MFAP3L: variants seen among roughly 807,000 people sequenced by gnomAD.
MFAP3L encodes the protein microfibril associated protein 3 like, also known as microfibrillar-associated protein 3-like.
Under a neutral mutation model 20.0 loss-of-function variants are expected in MFAP3L, and 5 were observed. That is an observed-to-expected ratio of 0.25 (90% confidence interval 0.13 to 0.53). The LOEUF (loss-of-function observed/expected upper bound fraction) is 0.53. MFAP3L is among the 20% of genes least tolerant of loss of function. MFAP3L has a pLI of 0.96. For missense variants in MFAP3L, 409 were observed against 527.5 expected, an observed-to-expected ratio of 0.78 and a Z score of 2.20; for synonymous variants, 219 against 213.0, an observed-to-expected ratio of 1.03 and a Z score of -0.25.
chr4:170,012,176 T>C (rs969280162), intron 1 of MFAP3L, among the ~76,000 whole-genome samples: 1 of 152,094 alleles, frequency 6.6e-6, no homozygotes, highest in Non-Finnish European at 1.5e-5. Flanking sequence ...ACTAGTATTA[T>C]ACAATATCCA....
chr4:169,991,142 A>G lies in MFAP3L; in HGVS notation c.*236T>C. The G allele has an allele frequency of 1.8e-6, 1 of 559,140 alleles. No individual in the cohort carries two copies. The highest frequency in any genetic ancestry group is 2.9e-5 in the East Asian group (1 of 34,114). 34.6% of individuals were successfully genotyped at this position (559,140 alleles called of 1,614,324 possible). A position where few individuals can be genotyped will look rare whatever the true frequency, so the allele number is the denominator to read the frequency against. ...ATCAGCCTCTGAAACTCATTATCACATAGACACCTTCTGTCTGGTATCAAT... is the reference window on the plus strand; with the variant it reads ...ATCAGCCTCTGAAACTCATTATCACGTAGACACCTTCTGTCTGGTATCAAT... On this transcript the variant is annotated 3_prime_UTR_variant, in exon 3 of 3. Coordinates refer to ENST00000361618, the MANE Select transcript of MFAP3L (RefSeq NM_021647.8). This position sits in a 1 kb window ranked among gnomAD's most constrained non-coding sequence, Gnocchi z 4.9.
chr4:170,006,113 T>G, intron 1 of MFAP3L, 103 bp from the exon 2 acceptor site: 4 of 794,972 alleles, frequency 5.0e-6, no homozygotes, highest in Non-Finnish European at 6.9e-6. Context: ...AACATCAACA[T>G]ACTTTTTTTT....
chr4:170,003,797 G>T (rs1057122390), intron 2 of MFAP3L: 40 of 985,322 alleles, frequency 4.1e-5, no homozygotes, highest in South Asian at 1.4e-4. Context: ...TACCTGGCCT[G>T]CAGTGTCTTT....
At chr4:170,001,476 C>CTTTG (rs2110974507) in intron 2 of MFAP3L, among the ~76,000 whole-genome samples, 1 of 152,324 alleles carries the variant, frequency 6.6e-6, no homozygotes, top group South Asian at 2.1e-4. Flanking sequence ...GAATTTCAAA[C>CTTTG]TTAATCTCTA....
Position 169,990,178 on chromosome 4 carries a change from GTCT to G in MFAP3L, c.*1197_*1199del, listed in dbSNP as rs1178830826. 1 of 152,222 alleles carries G rather than the reference GTCT, an allele frequency of 6.6e-6. No homozygotes were observed. The highest frequency in any genetic ancestry group is 1.5e-5 in the Non-Finnish European group (1 of 68,050). The allele number at this position is 152,222 out of a possible 1,614,324, so 9.4% of individuals were successfully genotyped here. Reference sequence around the variant, plus strand: ...ATTAAGCCTTTGGATGACTAATTTTGTCTTCTTTCCATAACATCACGCACCTCA... The same window carrying G: ...ATTAAGCCTTTGGATGACTAATTTTGTCTTTCCATAACATCACGCACCTCA... On this transcript the variant is annotated 3_prime_UTR_variant, in exon 3 of 3. Transcript: ENST00000361618.
chr4:170,005,372 G>A (rs1177927929), intron 2 of MFAP3L: 4 of 609,974 alleles, frequency 6.6e-6, no homozygotes, highest in Non-Finnish European at 1.1e-5. Context: ...TTCTGTGTTT[G>A]TCCTTTGTCT....
intron 1 of MFAP3L, among the ~76,000 whole-genome samples, chr4:170,020,234 GC>G: frequency 6.6e-6 from 1 of 152,266 alleles, no homozygotes; most frequent in East Asian, 1.9e-4. Context: ...CCACATTTCT[GC>G]TGTACCTGAG....
intron 2 of MFAP3L, chr4:169,994,227 T>TA (rs2110925270): frequency 1.0e-6 from 1 of 985,382 alleles, no homozygotes. Flanking sequence ...TAGCAGAAAA[T>TA]AGAGTGGAGG....
chr4:169,997,552 G>A (rs1738270126), intron 2 of MFAP3L, among the ~76,000 whole-genome samples: 1 of 152,202 alleles, frequency 6.6e-6, no homozygotes, highest in African/African-American at 2.4e-5. Flanking sequence ...TGGTGTCTAT[G>A]TGTAGAAAAT....
chr4:170,014,978 C>G (rs7657773), intron 1 of MFAP3L, among the ~76,000 whole-genome samples: 1 of 152,136 alleles, frequency 6.6e-6, no homozygotes, highest in Non-Finnish European at 1.5e-5. Flanking sequence ...AGAAACACAT[C>G]GAGTGTTCTT....
chr4:169,991,827 C>A lies in MFAP3L; in HGVS notation c.781G>T (p.Val261Phe), dbSNP rs775480164. ...TTCTGCCCCTGCTCCTCCAGCCCAA[C>A]CACCTCCATAATCTCCTCCATGATA... ...RTIMEEIMEV[V>F]GLEEQGQNFV... is the part of the protein sequence containing the mutation. The change falls in exon 3 of 3, where the codon GTT becomes TTT. Residue 261 changes from valine to phenylalanine, a missense_variant. By Grantham distance (50) the Val-to-Phe change is conservative. This residue lies in a region of MFAP3L where 127 missense variants were observed against 218.1 expected (regional missense o/e 0.58). Transcript: ENST00000361618. The surrounding 1 kb of genome is among the most constrained non-coding windows in gnomAD (Gnocchi z 4.9). 8.7e-6 allele frequency: 14 copies of A among 1,614,092 alleles called. No individual in the cohort carries two copies. Among genetic ancestry groups the A allele is most frequent in the Non-Finnish European group, 1.2e-5 (14 of 1,180,044 alleles).
At chr4:170,005,521 T>TACCA in intron 2 of MFAP3L, 59 bp downstream of exon 2, 4 of 1,542,438 alleles carry the variant, frequency 2.6e-6, no homozygotes, top group African/African-American at 1.4e-5. Context: ...TCACGGGTGC[T>TACCA]GGCTCCAAAG....
chr4:170,001,427 C>G (rs1316460812), intron 2 of MFAP3L, among the ~76,000 whole-genome samples: 1 of 152,154 alleles, frequency 6.6e-6, no homozygotes. Context: ...GCACAGAAAA[C>G]AAATCCACAG....
At chr4:169,997,802 C>CA (rs774044045) in intron 2 of MFAP3L, 2 of 940,302 alleles carry the variant, frequency 2.1e-6, no homozygotes, top group East Asian at 2.5e-4. Flanking sequence ...TTCATTAATT[C>CA]TTTTTTTTTT....
At chr4:169,996,460 G>A (rs1581459792) in intron 2 of MFAP3L, among the ~76,000 whole-genome samples, 1 of 152,140 alleles carries the variant, frequency 6.6e-6, no homozygotes, top group Non-Finnish European at 1.5e-5. Flanking sequence ...AACAGACTCC[G>A]AGACACAACC....
At position 169,997,723 on chromosome 4, in the gene MFAP3L, TCA is replaced by T. The variant is rs564770348; in HGVS notation, c.299-5416_299-5415del. 54 of 984,968 alleles carry T rather than the reference TCA, an allele frequency of 5.5e-5. No homozygotes were observed. In the African/African-American group the frequency reaches 8.8e-4, roughly 16 times the overall value. 61.0% of individuals were successfully genotyped at this position (984,968 alleles called of 1,614,324 possible). The stretch of plus-strand genomic sequence containing the variant: ...AGGTATAAGGGGCAGGCCCGGTAGC[TCA>T]CGGCCCTTCTATCACACACAACTCA... On this transcript the variant is annotated intron_variant, in intron 2 of 2. Coordinates refer to ENST00000361618, the MANE Select transcript of MFAP3L (RefSeq NM_021647.8).
Position 169,991,205 on chromosome 4 carries a change from G to T in MFAP3L, c.*173C>A, listed in dbSNP as rs749896281. 8 of 664,580 alleles carry T rather than the reference G, an allele frequency of 1.2e-5. No homozygotes were observed. The highest frequency in any genetic ancestry group is 9.0e-5 in the Admixed American group (3 of 33,506). 41.2% of individuals were successfully genotyped at this position (664,580 alleles called of 1,614,324 possible). A position where few individuals can be genotyped will look rare whatever the true frequency, so the allele number is the denominator to read the frequency against. ...TGTTTCTCGCACCCTTCTCTACTGG[G>T]GAAATTCCAGTCCCATTCACTGCAG... On this transcript the variant is annotated 3_prime_UTR_variant, in exon 3 of 3. Transcript: ENST00000361618. This position sits in a 1 kb window ranked among gnomAD's most constrained non-coding sequence, Gnocchi z 4.9.
intron 1 of MFAP3L, among the ~76,000 whole-genome samples, chr4:170,020,330 T>C (rs930709034): frequency 1.3e-5 from 2 of 152,168 alleles, no homozygotes; most frequent in African/African-American, 4.8e-5. Flanking sequence ...CACTGAGTTC[T>C]AATGATTCTC....
Position 169,988,952 on chromosome 4 carries a change from T to G in MFAP3L, c.*2426A>C, listed in dbSNP as rs912419873. 1 of 152,200 alleles carries G rather than the reference T, an allele frequency of 6.6e-6. No individual in the cohort carries two copies. Among genetic ancestry groups the G allele is most frequent in the Non-Finnish European group, 1.5e-5 (1 of 68,036 alleles). 9.4% of individuals were successfully genotyped at this position (152,200 alleles called of 1,614,324 possible). On this transcript the variant is annotated 3_prime_UTR_variant, in exon 3 of 3. Transcript: ENST00000361618. ...ATCACTATTCAATGTCTAGGTGGAA[T>G]GGATGCCTTCTCCTTTCCATGTGGA...
Sources: allele counts gnomAD v4.1 joint callset (sites outside exome capture counted in the v4.1 genomes callset), GRCh38; gene constraint gnomAD v4.1.1; regional missense constraint gnomAD v4.1.1; non-coding constraint Gnocchi (gnomAD v3.1); transcripts MANE v1.5; gene names NCBI Gene and HGNC (gene_info 2026-07-23, HGNC 2026-07-21).